The following KIF18A variants were observed in gnomAD, a reference collection of about 807,000 sequenced individuals.
KIF18A encodes the protein kinesin family member 18A, also known as kinesin-like protein KIF18A.
A neutral mutation model predicts 103.3 loss-of-function variants in KIF18A; 67 were observed. The ratio of observed to expected loss-of-function variants is 0.65; its 90% confidence interval spans 0.53 to 0.79. The LOEUF is 0.79. Among genes scored for constraint, KIF18A ranks in the 30% least tolerant of loss-of-function variants. The pLI is 0.00. For synonymous variants in KIF18A, 367 were observed against 355.5 expected, an observed-to-expected ratio of 1.03 and a Z score of -0.36; for missense variants, 1,032 against 1,062.5, an observed-to-expected ratio of 0.97 and a Z score of 0.40.
At chr11:28,049,488 T>C (rs1240299499) in intron 13 of KIF18A, among the ~76,000 whole-genome samples, 2 of 152,020 alleles carry the variant, frequency 1.3e-5, no homozygotes, top group Non-Finnish European at 1.5e-5. Flanking sequence ...GAGCTGTATG[T>C]TATTGTAAAG....
At chr11:28,044,061 GA>G (rs1379206294) in intron 13 of KIF18A, among the ~76,000 whole-genome samples, 2 of 151,798 alleles carry the variant, frequency 1.3e-5, no homozygotes, top group African/African-American at 4.8e-5. Flanking sequence ...AGAATTCTTG[GA>G]AGTCTGTATA....
chr11:28,043,429 T>C (rs901152875), intron 13 of KIF18A, among the ~76,000 whole-genome samples: 5 of 151,640 alleles, frequency 3.3e-5, no homozygotes, highest in East Asian at 1.9e-4. Context: ...AAAAAGAAAA[T>C]GTAAAGAAAT....
At position 28,105,461 on chromosome 11, in the gene KIF18A, T is replaced by C. The variant is rs559178477; in HGVS notation, c.-47+2603A>G. ...GATTGTATAAAACGAAGATGTACAA[T>C]GTGATGGTCTCATATTCTTATACAC... On this transcript the variant is annotated intron_variant, in intron 1 of 16. Coordinates refer to ENST00000263181, the MANE Select transcript of KIF18A (RefSeq NM_031217.4). 4.6e-5 allele frequency among the ~76,000 whole-genome samples: 7 copies of C among 152,338 alleles called. No individual in the cohort carries two copies. The East Asian group carries it at 9.6e-4, about 21-fold the overall frequency.
intron 14 of KIF18A, 55 bp downstream of exon 14, chr11:28,036,162 A>G (rs1046526913): frequency 8.9e-6 from 10 of 1,117,762 alleles, no homozygotes; most frequent in South Asian, 6.8e-5. Context: ...ACCTCAACTA[A>G]TAGTTGAAAG....
chr11:28,028,864 A>G (rs1306339065), intron 15 of KIF18A, among the ~76,000 whole-genome samples: 5 of 152,214 alleles, frequency 3.3e-5, no homozygotes, highest in Non-Finnish European at 7.3e-5. Flanking sequence ...CCGATCCCAC[A>G]GAAATACAAA....
intron 15 of KIF18A, among the ~76,000 whole-genome samples, chr11:28,028,272 T>G (rs1031459478): frequency 6.6e-6 from 1 of 152,056 alleles, no homozygotes; most frequent in Non-Finnish European, 1.5e-5. Context: ...GACCACATAG[T>G]TGGAAGTAAA....
chr11:28,054,015 A>G (rs1279352085), intron 13 of KIF18A, among the ~76,000 whole-genome samples: 3 of 151,878 alleles, frequency 2.0e-5, no homozygotes, highest in Non-Finnish European at 4.4e-5. Flanking sequence ...TATATTTCAA[A>G]TTTTGCATAA....
chr11:28,096,008 C>CAAAAAAAAAAA (rs752176368), intron 2 of KIF18A, among the ~76,000 whole-genome samples: 1 of 73,740 alleles, frequency 1.4e-5, no homozygotes, highest in African/African-American at 5.7e-5. Context: ...AAGACTTCAT[C>CAAAAAAAAAAA]AAAAAAAAAA....
chr11:28,080,302 A>AAT (rs1161099082), intron 9 of KIF18A, among the ~76,000 whole-genome samples: 1 of 151,986 alleles, frequency 6.6e-6, no homozygotes, highest in Admixed American at 6.6e-5. Context: ...TTCAGTTGAG[A>AAT]ATATATATAC....
chr11:28,091,455 T>G lies in KIF18A; in HGVS notation c.542A>C (p.Glu181Ala). 5 of 1,612,318 alleles carry G rather than the reference T, an allele frequency of 3.1e-6. No homozygotes were observed. Among genetic ancestry groups the G allele is most frequent in the Non-Finnish European group, 4.2e-6 (5 of 1,178,542 alleles). ...AACGACCACCCCTTTTTGGGTATCT[T>G]CCCGGACAGCAAGTGGCCCTGAATT... Reference protein sequence around the residue: ...LVNSGPLAVREDTQKGVVVHG... With the variant: ...LVNSGPLAVRADTQKGVVVHG... The change falls in exon 4 of 17, where the codon GAA (glutamate) becomes GCA (alanine). Residue 181 changes from glutamate (E) to alanine (A), a missense_variant. Coordinates refer to ENST00000263181, the MANE Select transcript of KIF18A (RefSeq NM_031217.4).
At chr11:28,073,572 G>A (rs1388760504) in intron 10 of KIF18A, among the ~76,000 whole-genome samples, 1 of 152,072 alleles carries the variant, frequency 6.6e-6, no homozygotes, top group African/African-American at 2.4e-5. Context: ...AGTTCTCAGT[G>A]CCTCTGTTCC....
chr11:28,059,430 A>G (rs1438548560), intron 12 of KIF18A, among the ~76,000 whole-genome samples: 9 of 151,924 alleles, frequency 5.9e-5, no homozygotes, highest in Admixed American at 5.9e-4. Flanking sequence ...TGAGTTAAGT[A>G]TATTTGTTTA....
rs1414007805 is a variant in KIF18A, at chr11:28,035,415, C to T, written c.2476G>A (p.Ala826Thr). The T allele has an allele frequency of 6.2e-7, 1 of 1,600,170 alleles. No individual in the cohort carries two copies. The highest frequency in any genetic ancestry group is 8.5e-7 in the Non-Finnish European group (1 of 1,172,160). ...MVPSYMAMTT[A>T]AKRKRKLTSS... is the part of the protein sequence containing the mutation. ...GTTAATTTCCGTTTCCTTTTGGCAG[C>T]AGTAGTCATTGCCATGTAGGATGGC... The change falls in exon 15 of 17, where the codon GCT becomes ACT. Residue 826 changes from alanine to threonine, a missense_variant. Coordinates refer to ENST00000263181, the MANE Select transcript of KIF18A (RefSeq NM_031217.4).
chr11:28,089,773 T>C (rs1010603426), intron 5 of KIF18A, among the ~76,000 whole-genome samples: 1 of 152,202 alleles, frequency 6.6e-6, no homozygotes, highest in Non-Finnish European at 1.5e-5. Context: ...GTAAGGATTA[T>C]CTGAACTACA....
At chr11:28,084,550 C>T (rs1231433432) in intron 7 of KIF18A, 82 bp downstream of exon 7, 20 of 1,175,200 alleles carry the variant, frequency 1.7e-5, no homozygotes, top group Non-Finnish European at 2.3e-5. Flanking sequence ...AGAAACATAA[C>T]CTGAATTAAT....
intron 2 of KIF18A, 90 bp from the exon 3 acceptor site, chr11:28,094,890 C>A (rs879432691): frequency 8.0e-7 from 1 of 1,242,414 alleles, no homozygotes; most frequent in Non-Finnish European, 1.2e-6. Flanking sequence ...ATCTGGATAT[C>A]CTGAACAGTA....
intron 9 of KIF18A, among the ~76,000 whole-genome samples, chr11:28,080,088 T>G (rs113529243): frequency 6.6e-6 from 1 of 152,036 alleles, no homozygotes. Context: ...TAGATTTACA[T>G]GAAATATACA....
At chr11:28,070,777 AT>A (rs1224122674) in intron 10 of KIF18A, among the ~76,000 whole-genome samples, 1 of 152,274 alleles carries the variant, frequency 6.6e-6, no homozygotes, top group Admixed American at 6.5e-5. Flanking sequence ...ATGGTGGCTC[AT>A]GCCAGTAATT....
intron 13 of KIF18A, among the ~76,000 whole-genome samples, chr11:28,045,202 G>A (rs1850615686): frequency 6.6e-6 from 1 of 151,940 alleles, no homozygotes; most frequent in African/African-American, 2.4e-5. Context: ...TTGATAAATT[G>A]ACTGCCTATA....
Sources: allele counts gnomAD v4.1 joint callset (sites outside exome capture counted in the v4.1 genomes callset), GRCh38; gene constraint gnomAD v4.1.1; transcripts MANE v1.5; gene names NCBI Gene and HGNC (gene_info 2026-07-23, HGNC 2026-07-21).